Variants in CNTRL observed in about 807,000 individuals in gnomAD.
The protein encoded by CNTRL is 110 kDa centrosomal protein.
Under a neutral mutation model 303.7 loss-of-function variants are expected in CNTRL, and 233 were observed. That is an observed-to-expected ratio of 0.77 (90% confidence interval 0.69 to 0.86). The LOEUF is 0.86. Ranked by LOEUF, CNTRL falls within the 40% of genes least tolerant of loss-of-function variation. The pLI is 0.00. For missense variants in CNTRL, 2,524 were observed against 2,650.6 expected (o/e 0.95, Z 1.05); for synonymous variants, 900 against 922.2 (o/e 0.98, Z 0.44).
intron 22 of CNTRL, among the ~76,000 whole-genome samples, chr9:121,145,815 G>T (rs545015421): frequency 6.6e-6 from 1 of 152,314 alleles, no homozygotes; most frequent in East Asian, 1.9e-4. Flanking sequence ...AGAATCACTT[G>T]AACCTGGGAG....
rs200202985 is a variant in CNTRL at position 121,160,325 on chromosome 9, A to C, written c.5089+23A>C. The C allele has an allele frequency of 4.9e-4, 706 of 1,436,540 alleles. 5 individuals carry two copies. The highest frequency in any genetic ancestry group is 3.9e-3 in the South Asian group (234 of 59,840). 89.0% of individuals were successfully genotyped at this position (1,436,540 alleles called of 1,614,324 possible). A position where few individuals can be genotyped will look rare whatever the true frequency, so the allele number is the denominator to read the frequency against. Reference sequence around the variant, plus strand: ...CCGGTAAGTTTAAAGGAAAACAATCATACAAAGTTTGAGGTTGGAAATGTC... The same window carrying C: ...CCGGTAAGTTTAAAGGAAAACAATCCTACAAAGTTTGAGGTTGGAAATGTC... On this transcript the variant is annotated intron_variant, in intron 32 of 43. Transcript: ENST00000373855.
intron 8 of CNTRL, among the ~76,000 whole-genome samples, chr9:121,110,749 G>A (rs531702227): frequency 6.6e-6 from 1 of 151,952 alleles, no homozygotes; most frequent in African/African-American, 2.4e-5. Context: ...TGAATGTGGG[G>A]GAAAGAATTA....
chr9:121,103,670 C>G (rs2049301694), intron 7 of CNTRL, among the ~76,000 whole-genome samples: 1 of 152,146 alleles, frequency 6.6e-6, no homozygotes, highest in South Asian at 2.1e-4. Context: ...GGCTAATATC[C>G]AGAATCTACA....
chr9:121,161,246 A>G, intron 32 of CNTRL: 1 of 437,210 alleles, frequency 2.3e-6, no homozygotes, highest in South Asian at 5.6e-5. Context: ...GTGGGTTTTC[A>G]TTTTTTTCTC....
chr9:121,075,832 A>G (rs1325481856), intron 1 of CNTRL, among the ~76,000 whole-genome samples: 1 of 152,270 alleles, frequency 6.6e-6, no homozygotes, highest in Non-Finnish European at 1.5e-5. Flanking sequence ...AAAAAGTGAT[A>G]GCACTGAGGA....
intron 2 of CNTRL, among the ~76,000 whole-genome samples, chr9:121,083,276 ACT>A (rs1451473057): frequency 6.6e-6 from 1 of 152,178 alleles, no homozygotes; most frequent in East Asian, 1.9e-4. Context: ...AAACTTTTTG[ACT>A]GTTGTAGTAA....
chr9:121,177,549 G>A lies in CNTRL; in HGVS notation c.*363G>A, dbSNP rs2132007625. 4.2e-6 allele frequency: 1 copy of A among 236,394 alleles called. No homozygotes were observed. The highest frequency in any genetic ancestry group is 8.1e-6 in the Non-Finnish European group (1 of 122,700). The allele number at this position is 236,394 out of a possible 1,614,324, so 14.6% of individuals were successfully genotyped here. ...TAAGGCCCTCTTTATTTATAGTGTC[G>A]AGTTATTTTTGAATTTTGCTTAAAA... On this transcript the variant is annotated 3_prime_UTR_variant, in exon 44 of 44. Transcript: ENST00000373855.
intron 36 of CNTRL, among the ~76,000 whole-genome samples, chr9:121,166,862 A>G (rs1163018927): frequency 3.3e-5 from 5 of 152,108 alleles, no homozygotes; most frequent in Non-Finnish European, 7.4e-5. Flanking sequence ...TCTCTACTAA[A>G]AATACAAAAT....
Position 121,144,859 on chromosome 9 carries a change from A to G in CNTRL, c.3068A>G (p.Glu1023Gly), listed in dbSNP as rs1171029563. ...QERAEELQEAERFSRKAAQAA... is the reference protein window; with the variant it reads ...QERAEELQEAGRFSRKAAQAA... The stretch of plus-strand genomic sequence containing the variant: ...TCCCAGTAGGAGTTGCAGGAAGCAG[A>G]GAGGTTCAGCAGAAAGGCAGCACAA... Residue 1023 changes from glutamate (E) to glycine (G), a missense_variant, in exon 21 of 44, where the codon GAG becomes GGG. Glu to Gly is a moderately conservative substitution (Grantham distance 98). Coordinates refer to ENST00000373855, the MANE Select transcript of CNTRL (RefSeq NM_007018.6). The G allele has an allele frequency of 1.9e-6, 3 of 1,613,160 alleles. No homozygotes were observed. Among genetic ancestry groups the G allele is most frequent in the Non-Finnish European group, 2.5e-6 (3 of 1,179,902 alleles).
chr9:121,083,879 C>T (rs114159186), intron 2 of CNTRL, among the ~76,000 whole-genome samples: 339 of 152,222 alleles, frequency 2.2e-3, no homozygotes, highest in African/African-American at 7.9e-3. Context: ...CTTACGGGAC[C>T]ACTGTCATGT....
chr9:121,105,148 T>C (rs2049404136), intron 7 of CNTRL, among the ~76,000 whole-genome samples: 1 of 152,190 alleles, frequency 6.6e-6, no homozygotes, highest in Admixed American at 6.6e-5. Flanking sequence ...TGCCATACCA[T>C]CTGAATACAT....
At position 121,167,541 on chromosome 9, in the gene CNTRL, G is replaced by C. The variant is rs768814736; in HGVS notation, c.5708G>C (p.Arg1903Pro). Residue 1903 changes from arginine (R) to proline (P), a missense_variant, in exon 37 of 44, where the codon CGA becomes CCA. By Grantham distance (103) the Arg-to-Pro change is moderately radical. Coordinates refer to ENST00000373855, the MANE Select transcript of CNTRL (RefSeq NM_007018.6). ...HQDVLLSEQT[R>P]LQKDISEWAN... Reference sequence around the variant, plus strand: ...GATGTGTTGCTCAGTGAGCAGACCCGACTCCAGAAGGACATCAGTGAATGG... The same window carrying C: ...GATGTGTTGCTCAGTGAGCAGACCCCACTCCAGAAGGACATCAGTGAATGG... The C allele has an allele frequency of 6.2e-7, 1 of 1,614,010 alleles. No individual in the cohort carries two copies. The highest frequency in any genetic ancestry group is 8.5e-7 in the Non-Finnish European group (1 of 1,179,982).
chr9:121,110,785 C>T (rs1467473748), intron 8 of CNTRL, among the ~76,000 whole-genome samples: 1 of 151,888 alleles, frequency 6.6e-6, no homozygotes, highest in African/African-American at 2.4e-5. Context: ...AATATGTTAC[C>T]TTCAGTCAAC....
intron 4 of CNTRL, among the ~76,000 whole-genome samples, chr9:121,094,503 G>A (rs2048806785): frequency 6.6e-6 from 1 of 152,132 alleles, no homozygotes; most frequent in Non-Finnish European, 1.5e-5. Context: ...CTGTCACAAT[G>A]GCAGTTAAAT....
intron 24 of CNTRL, among the ~76,000 whole-genome samples, chr9:121,149,868 T>C (rs1197162329): frequency 9.9e-5 from 15 of 152,226 alleles, no homozygotes; most frequent in Admixed American, 9.8e-4. Flanking sequence ...AGATCTTGTA[T>C]GTAGCATGAA....
intron 7 of CNTRL, among the ~76,000 whole-genome samples, chr9:121,098,829 C>CGA (rs1554738869): frequency 7.0e-6 from 1 of 142,562 alleles, no homozygotes; most frequent in Non-Finnish European, 1.5e-5. Flanking sequence ...AGAAGACAGA[C>CGA]AAAAAAAAAA....
chr9:121,141,279 T>C (rs1330713826), intron 17 of CNTRL, 102 bp from the exon 18 acceptor site: 4 of 902,560 alleles, frequency 4.4e-6, no homozygotes, highest in African/African-American at 1.7e-5. Context: ...CACCAGTCCC[T>C]GCACACAGCT....
Position 121,162,218 on chromosome 9 carries a change from A to G in CNTRL, c.5370A>G (p.Glu1790=), listed in dbSNP as rs867118626. The G allele has an allele frequency of 1.2e-6, 2 of 1,614,188 alleles. No individual in the cohort carries two copies. Among genetic ancestry groups the G allele is most frequent in the Middle Eastern group, 1.6e-4 (1 of 6,062 alleles). ...TTGAGTGTTTGAGCAAAGAAAAGGA[A>G]GATCTCCAAGAGAAATGTGACATTT... ...SCVECLSKEK[E]DLQEKCDIWE... Residue 1790 remains glutamate (E), a synonymous_variant, in exon 34 of 44, where the codon GAA becomes GAG. Transcript: ENST00000373855.
chr9:121,100,567 T>C (rs1258129345), intron 7 of CNTRL, among the ~76,000 whole-genome samples: 1 of 152,168 alleles, frequency 6.6e-6, no homozygotes, highest in African/African-American at 2.4e-5. Context: ...AATATTAACC[T>C]TAAATGTAAA....
Sources: gnomAD v4.1 joint callset for allele counts (sites outside exome capture counted in the v4.1 genomes callset) on GRCh38, gnomAD v4.1.1 for gene constraint, MANE v1.5 for transcripts, NCBI Gene and HGNC (gene_info 2026-07-23, HGNC 2026-07-21) for gene names.